COL23A1: variants seen among roughly 807,000 people sequenced by gnomAD.
The protein encoded by COL23A1 is collagen type XXIII alpha 1 chain, also known as collagen alpha-1(XXIII) chain.
COL23A1 carries 97 observed loss-of-function variants against 99.3 expected under a neutral mutation model. The ratio of observed to expected loss-of-function variants is 0.98; its 90% confidence interval spans 0.83 to 1.16. The LOEUF is 1.16. Among genes scored for constraint, COL23A1 ranks in the 50% most tolerant of loss-of-function variants. The probability of loss-of-function intolerance (pLI) is 0.00; values close to 1 mark genes in which losing one functional copy is unlikely to be tolerated. For synonymous variants in COL23A1, 320 were observed against 308.2 expected (o/e 1.04, Z -0.40); for missense variants, 762 against 757.4 (o/e 1.01, Z -0.07).
At chr5:178,522,581 A>G (rs1396352841) in intron 2 of COL23A1, among the ~76,000 whole-genome samples, 1 of 152,044 alleles carries the variant, frequency 6.6e-6, no homozygotes, top group East Asian at 1.9e-4. Context: ...CAGCACATGT[A>G]ATGAAGCAAG....
At chr5:178,259,633 C>CAA in intron 12 of COL23A1, 88 bp downstream of exon 12, 10 of 641,940 alleles carry the variant, frequency 1.6e-5, no homozygotes, top group Non-Finnish European at 2.4e-5. Flanking sequence ...CCGTCCCCAT[C>CAA]CCCATCCCCA....
chr5:178,585,603 ACTCCACAG>A (rs1763928157), intron 1 of COL23A1, among the ~76,000 whole-genome samples: 1 of 978 alleles, frequency 1.0e-3, no homozygotes, highest in African/African-American at 4.3e-3. Context: ...CTGGGGTAAC[ACTCCACAG>A]CCCTGGATGG....
chr5:178,554,845 AT>A (rs1581628562), intron 2 of COL23A1, among the ~76,000 whole-genome samples: 1 of 151,898 alleles, frequency 6.6e-6, no homozygotes, highest in Admixed American at 6.6e-5. Context: ...AAAAAAAAAA[AT>A]CATGGTAAAA....
intron 5 of COL23A1, among the ~76,000 whole-genome samples, chr5:178,272,456 A>G (rs561675620): frequency 1.3e-5 from 2 of 152,282 alleles, no homozygotes; most frequent in South Asian, 2.1e-4. Flanking sequence ...CACCAGTCTC[A>G]TGGTCGCTGA....
intron 2 of COL23A1, among the ~76,000 whole-genome samples, chr5:178,481,564 C>T (rs74602762): frequency 0.023 from 3,424 of 152,142 alleles, 157 homozygotes; most frequent in African/African-American, 0.078. Context: ...GGGCAAAGAG[C>T]TTAAATAGAC....
rs1757933472 is a variant in COL23A1, at chr5:178,491,512, C to G, written c.361+69170G>C. ...GACAACGGCTAAACCCTCAGAACTA[C>G]ATTTAAGGATCCTCAAAATCTGGCC... On this transcript the variant is annotated intron_variant, in intron 2 of 28. Coordinates refer to ENST00000390654, the MANE Select transcript of COL23A1 (RefSeq NM_173465.4). Among the ~76,000 whole-genome samples the G allele has an allele frequency of 2.0e-5, 3 of 152,200 alleles. 1 individual carries two copies. In the South Asian group the frequency reaches 6.2e-4, roughly 32 times the overall value.
chr5:178,467,958 C>A (rs1756512768), intron 2 of COL23A1, among the ~76,000 whole-genome samples: 1 of 152,166 alleles, frequency 6.6e-6, no homozygotes, highest in Non-Finnish European at 1.5e-5. Flanking sequence ...CGGGCCCCAA[C>A]AGGAGCCTTT....
chr5:178,242,162 G>A, intron 26 of COL23A1, 34 bp from the exon 27 acceptor site: 48 of 1,532,056 alleles, frequency 3.1e-5, no homozygotes, highest in Non-Finnish European at 4.2e-5. Context: ...TATTGGTCAT[G>A]GCTGCCAGGC....
At chr5:178,242,292 C>T (rs577794035) in intron 26 of COL23A1, 49 bp downstream of exon 26, 8 of 1,591,348 alleles carry the variant, frequency 5.0e-6, no homozygotes, top group Non-Finnish European at 6.9e-6. Flanking sequence ...CTCCCACCTG[C>T]CTCCTTCCCC....
chr5:178,412,403 T>C (rs1000257269), intron 2 of COL23A1, among the ~76,000 whole-genome samples: 1 of 152,212 alleles, frequency 6.6e-6, no homozygotes, highest in Non-Finnish European at 1.5e-5. Context: ...TTTTACATTT[T>C]TCCATCCTGG....
chr5:178,582,395 G>A (rs1763709334), intron 1 of COL23A1, among the ~76,000 whole-genome samples: 3 of 152,164 alleles, frequency 2.0e-5, no homozygotes, highest in Admixed American at 2.0e-4. Flanking sequence ...GCACTGTGAA[G>A]GATCTCCACC....
rs542828433 is a variant in COL23A1, at chr5:178,319,398, A to AT, written c.362-12480dup. On this transcript the variant is annotated intron_variant, in intron 2 of 28. Transcript: ENST00000390654. ...TTGCTTTCAGAGAATGAAAAGCTCT[A>AT]TTTTTTTTTTTAAACTTAAAAGGTC... is the stretch of plus-strand genomic sequence containing the variant. 1.5e-3 allele frequency among the ~76,000 whole-genome samples: 226 copies of AT among 149,052 alleles called. 2 individuals are homozygous for AT. The South Asian group carries it at 0.022, about 15-fold the overall frequency.
chr5:178,424,073 G>T (rs531068722), intron 2 of COL23A1, among the ~76,000 whole-genome samples: 1 of 152,182 alleles, frequency 6.6e-6, no homozygotes, highest in East Asian at 1.9e-4. Context: ...TCCTATCTAG[G>T]GCCCTTTCTC....
At chr5:178,294,185 C>T (rs1165620640) in intron 3 of COL23A1, among the ~76,000 whole-genome samples, 1 of 152,048 alleles carries the variant, frequency 6.6e-6, no homozygotes, top group Non-Finnish European at 1.5e-5. Flanking sequence ...AAGACAATGG[C>T]CCGAACCCAG....
intron 16 of COL23A1, among the ~76,000 whole-genome samples, chr5:178,253,718 T>C (rs941507744): frequency 2.0e-5 from 3 of 151,858 alleles, no homozygotes; most frequent in African/African-American, 7.2e-5. Context: ...CCTCACCTCG[T>C]GATCCACCTG....
In COL23A1 at chr5:178,401,769, T is replaced by G. The variant is rs148358674; in HGVS notation, c.362-94850A>C. ...CATCCCCCTAGCAGTATATGAGAGC[T>G]CTGGTTGCTCTGCAATCTCACCAAC... On this transcript the variant is annotated intron_variant, in intron 2 of 28. Transcript: ENST00000390654. Among the ~76,000 whole-genome samples the G allele has an allele frequency of 6.5e-3, 991 of 152,324 alleles. 7 individuals carry two copies. The highest frequency in any genetic ancestry group is 0.023 in the African/African-American group (948 of 41,574).
rs558655628 is a variant in COL23A1 at position 178,384,475 on chromosome 5, G to T, written c.362-77556C>A. On this transcript the variant is annotated intron_variant, in intron 2 of 28. Transcript: ENST00000390654. This position sits in a 1 kb window ranked among gnomAD's most constrained non-coding sequence, Gnocchi z 5.5. ...TCTCCTCCCTGCCCACCCCTCCCTC[G>T]GCTTTTTGGAGGCCACGTGGACGGC... 6.6e-6 allele frequency among the ~76,000 whole-genome samples: 1 copy of T among 151,982 alleles called. No individual in the cohort carries two copies.
intron 2 of COL23A1, among the ~76,000 whole-genome samples, chr5:178,354,434 C>T (rs1267926313): frequency 6.6e-6 from 1 of 151,998 alleles, no homozygotes; most frequent in Non-Finnish European, 1.5e-5. Context: ...GGATCTGTGT[C>T]CCCACTCAAG....
intron 2 of COL23A1, among the ~76,000 whole-genome samples, chr5:178,554,654 G>A (rs1336711870): frequency 2.0e-5 from 3 of 151,922 alleles, no homozygotes; most frequent in Admixed American, 6.6e-5. Flanking sequence ...CACCCTCCCC[G>A]ACACCACATG....
Sources: allele counts gnomAD v4.1 joint callset (sites outside exome capture counted in the v4.1 genomes callset), GRCh38; gene constraint gnomAD v4.1.1; non-coding constraint Gnocchi (gnomAD v3.1); transcripts MANE v1.5; gene names NCBI Gene and HGNC (gene_info 2026-07-23, HGNC 2026-07-21).